Variants in ADGRL2 observed in about 807,000 individuals in gnomAD.
ADGRL2 encodes the protein calcium-independent alpha-latrotoxin receptor 2.
Under a neutral mutation model 157.4 loss-of-function variants are expected in ADGRL2, and 44 were observed. That is an observed-to-expected ratio of 0.28 (90% CI 0.22 to 0.36). The LOEUF (loss-of-function observed/expected upper bound fraction) is 0.36. Among genes scored for constraint, ADGRL2 ranks in the 10% least tolerant of loss-of-function variants. The probability of loss-of-function intolerance (pLI) is 1.00; values close to 1 mark genes in which losing one functional copy is unlikely to be tolerated. For synonymous variants in ADGRL2, 585 were observed against 624.7 expected (o/e 0.94, Z 0.95); for missense variants, 1,510 against 1,768.9 (o/e 0.85, Z 2.63).
intron 1 of ADGRL2, among the ~76,000 whole-genome samples, chr1:81,754,147 A>T (rs1214708025): frequency 1.3e-4 from 20 of 151,892 alleles, no homozygotes; most frequent in Admixed American, 1.2e-3. Context: ...TGGACTTAAT[A>T]GACTCCTTCC....
intron 1 of ADGRL2, among the ~76,000 whole-genome samples, chr1:81,727,949 A>G (rs980880404): frequency 2.0e-5 from 3 of 152,124 alleles, no homozygotes; most frequent in African/African-American, 7.2e-5. Context: ...TTACTGCTAA[A>G]TACCAGTGTG....
chr1:81,378,480 A>G lies in ADGRL2; in HGVS notation c.-301-66556A>G, dbSNP rs533414864. 3.3e-5 allele frequency among the ~76,000 whole-genome samples: 5 copies of G among 150,816 alleles called. No individual in the cohort carries two copies. The South Asian group carries it at 8.6e-4, about 26-fold the overall frequency. ...GAGGCTGAGATGGGAGCATCACCTG[A>G]ACCCAGGAGTTCCAGACTGCAGTGA... On this transcript the variant is annotated intron_variant, in intron 1 of 24. Transcript: ENST00000370721.
intron 3 of ADGRL2, among the ~76,000 whole-genome samples, chr1:81,914,022 T>C (rs1358119221): frequency 6.6e-6 from 1 of 151,696 alleles, no homozygotes; most frequent in African/African-American, 2.4e-5. Context: ...ACACACCCCT[T>C]TACTATGGGA....
intron 1 of ADGRL2, among the ~76,000 whole-genome samples, chr1:81,430,542 G>A (rs1013114337): frequency 5.3e-5 from 8 of 152,160 alleles, no homozygotes; most frequent in Non-Finnish European, 1.0e-4. Flanking sequence ...GCATGCTGGT[G>A]TAAAAGTTGC....
chr1:81,839,850 CAT>C (rs71676830), intron 2 of ADGRL2, among the ~76,000 whole-genome samples: 89,707 of 107,468 alleles, frequency 0.83, 38,739 homozygotes, highest in African/African-American at 0.88. Flanking sequence ...TGTTTTCCAT[CAT>C]ATATATATAT....
intron 2 of ADGRL2, among the ~76,000 whole-genome samples, chr1:81,780,351 A>T (rs1237422731): frequency 6.6e-6 from 1 of 152,150 alleles, no homozygotes; most frequent in Non-Finnish European, 1.5e-5. Context: ...TGGAAGGTGG[A>T]TTCTATTCCT....
At chr1:81,876,150 G>A (rs1032775902) in intron 2 of ADGRL2, among the ~76,000 whole-genome samples, 7 of 151,986 alleles carry the variant, frequency 4.6e-5, no homozygotes, top group Non-Finnish European at 7.4e-5. Flanking sequence ...TGCTTTCCAC[G>A]CAAGACTTTA....
At chr1:81,605,452 C>A (rs939126357) in intron 3 of ADGRL2, among the ~76,000 whole-genome samples, 1 of 152,202 alleles carries the variant, frequency 6.6e-6, no homozygotes, top group Admixed American at 6.5e-5. Flanking sequence ...AGAAATCTAA[C>A]AGTCATACGA....
At chr1:81,439,337 T>C (rs1570970541) in intron 1 of ADGRL2, among the ~76,000 whole-genome samples, 1 of 152,320 alleles carries the variant, frequency 6.6e-6, no homozygotes, top group African/African-American at 2.4e-5. Flanking sequence ...CAGAGCACTG[T>C]AGGTTTGAAT....
chr1:81,524,545 A>T (rs2079406536), intron 2 of ADGRL2, among the ~76,000 whole-genome samples: 1 of 152,172 alleles, frequency 6.6e-6, no homozygotes, highest in South Asian at 2.1e-4. Context: ...AAAGAACCTA[A>T]ATAGGAAGAC....
At chr1:81,797,482 C>T (rs2087648137), upstream of ADGRL2, among the ~76,000 whole-genome samples, 1 of 152,180 alleles carries the variant, frequency 6.6e-6, no homozygotes, top group Non-Finnish European at 1.5e-5. Context: ...CCTTCAACCC[C>T]TGACCCTTTT....
chr1:81,472,739 C>A (rs1221186460), intron 2 of ADGRL2, among the ~76,000 whole-genome samples: 2 of 152,124 alleles, frequency 1.3e-5, no homozygotes, highest in Non-Finnish European at 2.9e-5. Context: ...ATTTCCAAAC[C>A]CTTCCCTAAA....
At chr1:81,965,727 T>C (rs901481259) in intron 11 of ADGRL2, among the ~76,000 whole-genome samples, 1 of 152,192 alleles carries the variant, frequency 6.6e-6, no homozygotes, top group African/African-American at 2.4e-5. Flanking sequence ...ATGATTTAAA[T>C]ATAAAACCTT....
intron 3 of ADGRL2, among the ~76,000 whole-genome samples, chr1:81,679,855 C>G (rs747021317): frequency 1.3e-5 from 2 of 152,096 alleles, no homozygotes; most frequent in Non-Finnish European, 2.9e-5. Flanking sequence ...AGTCACTAAG[C>G]AGAGACCAAA....
intron 1 of ADGRL2, among the ~76,000 whole-genome samples, chr1:81,746,441 A>C (rs2016041): frequency 0.29 from 44,637 of 151,766 alleles, 6,752 homozygotes; most frequent in South Asian, 0.39. Flanking sequence ...AGATGCCCAC[A>C]ACCACACCTG....
chr1:81,846,730 C>G (rs111328828), intron 2 of ADGRL2, among the ~76,000 whole-genome samples: 3 of 151,826 alleles, frequency 2.0e-5, no homozygotes, highest in Non-Finnish European at 1.5e-5. Flanking sequence ...AAAATCTAAG[C>G]CAGGTGTTAG....
rs140731913 is a variant in ADGRL2, at chr1:81,710,738, T to C, written c.-143+10930T>C. On this transcript the variant is annotated intron_variant, in intron 1 of 20. Transcript: ENST00000359929. The stretch of plus-strand genomic sequence containing the variant: ...AAAATATTTGTTAATTCAAAATTTA[T>C]GAAGAAAATCAGCCTTGCACAGATA... Among the ~76,000 whole-genome samples the C allele has an allele frequency of 3.9e-3, 586 of 150,816 alleles. 2 individuals are homozygous for C. Among genetic ancestry groups the C allele is most frequent in the African/African-American group, 0.014 (553 of 40,954 alleles).
intron 2 of ADGRL2, among the ~76,000 whole-genome samples, chr1:81,788,325 T>A (rs2087157584): frequency 6.6e-6 from 1 of 152,194 alleles, no homozygotes; most frequent in African/African-American, 2.4e-5. Flanking sequence ...CATATATGGC[T>A]TGGGGTCCTC....
intron 1 of ADGRL2, among the ~76,000 whole-genome samples, chr1:81,324,910 T>C (rs1660788665): frequency 6.6e-6 from 1 of 151,582 alleles, no homozygotes; most frequent in African/African-American, 2.4e-5. Context: ...AGAGACGGGG[T>C]TTTACAGTGT....
Sources: gnomAD v4.1 joint callset for allele counts (sites outside exome capture counted in the v4.1 genomes callset) on GRCh38, gnomAD v4.1.1 for gene constraint, MANE v1.5 for transcripts, NCBI Gene and HGNC (gene_info 2026-07-23, HGNC 2026-07-21) for gene names.